NR6A1: variants seen among roughly 807,000 people sequenced by gnomAD.
The protein encoded by NR6A1 is retinoic acid receptor-related testis-associated receptor.
A neutral mutation model predicts 59.1 loss-of-function variants in NR6A1; 7 were observed. That is an observed-to-expected ratio of 0.12 (90% CI 0.07 to 0.22). NR6A1 has a LOEUF of 0.22. Ranked by LOEUF, NR6A1 falls within the 10% of genes least tolerant of loss-of-function variation. The probability of loss-of-function intolerance (pLI) is 1.00; values close to 1 mark genes in which losing one functional copy is unlikely to be tolerated. For missense variants in NR6A1, 468 were observed against 611.6 expected, an observed-to-expected ratio of 0.77 and a Z score of 2.48; for synonymous variants, 243 against 236.1, an observed-to-expected ratio of 1.03 and a Z score of -0.27.
At chr9:124,737,995 C>T (rs1372423691) in intron 1 of NR6A1, among the ~76,000 whole-genome samples, 2 of 152,150 alleles carry the variant, frequency 1.3e-5, no homozygotes, top group East Asian at 3.9e-4. Flanking sequence ...GTAGCTCACG[C>T]CTGTAATTCC....
intron 2 of NR6A1, chr9:124,693,723 T>G (rs1166613927): frequency 7.5e-6 from 4 of 534,350 alleles, no homozygotes; most frequent in South Asian, 5.6e-5. Context: ...ATGGCTGCAC[T>G]CAACATTCAT....
At position 124,741,829 on chromosome 9, in the gene NR6A1, T is replaced by A. The variant is rs543179859; in HGVS notation, c.101-8480A>T. Among the ~76,000 whole-genome samples the A allele has an allele frequency of 7.2e-5, 11 of 152,308 alleles. 1 individual carries two copies. Among genetic ancestry groups the A allele is most frequent in the African/African-American group, 2.6e-4 (11 of 41,562 alleles). ...GAAATGACTTCACCCTCTGGGCCAA[T>A]TTCCTCATCTGTCGATTATGAGTAC... On this transcript the variant is annotated intron_variant, in intron 1 of 9. Transcript: ENST00000487099.
At chr9:124,615,371 G>A (rs1835859225) in intron 2 of NR6A1, among the ~76,000 whole-genome samples, 1 of 152,080 alleles carries the variant, frequency 6.6e-6, no homozygotes, top group Non-Finnish European at 1.5e-5. Context: ...GTTCCAGCGT[G>A]GGCACCAGGT....
At chr9:124,679,456 C>T (rs967938838) in intron 2 of NR6A1, among the ~76,000 whole-genome samples, 46 of 152,164 alleles carry the variant, frequency 3.0e-4, no homozygotes, top group African/African-American at 9.9e-4. Context: ...TCAGCAGATC[C>T]GCACCTGCCC....
chr9:124,548,486 T>A (rs1037216284), intron 3 of NR6A1, among the ~76,000 whole-genome samples: 3 of 152,178 alleles, frequency 2.0e-5, no homozygotes, highest in Non-Finnish European at 2.9e-5. Context: ...ACAAATTTTT[T>A]TGGTATAATA....
At chr9:124,546,825 A>T (rs753943210) in intron 3 of NR6A1, among the ~76,000 whole-genome samples, 3 of 152,244 alleles carry the variant, frequency 2.0e-5, no homozygotes, top group Non-Finnish European at 4.4e-5. Flanking sequence ...GTTCTTGCAC[A>T]TATGTATGTT....
chr9:124,579,263 A>G (rs988045945), intron 2 of NR6A1, among the ~76,000 whole-genome samples: 6 of 151,946 alleles, frequency 3.9e-5, no homozygotes, highest in Admixed American at 3.3e-4. Context: ...CAAAAAATTT[A>G]AAACTTAGCC....
chr9:124,703,559 A>G (rs1005663345), intron 2 of NR6A1, among the ~76,000 whole-genome samples: 1 of 152,040 alleles, frequency 6.6e-6, no homozygotes, highest in South Asian at 2.1e-4. Flanking sequence ...CTGCATTTTT[A>G]TGTGTTAATA....
chr9:124,574,927 T>C (rs1347766611), intron 2 of NR6A1, among the ~76,000 whole-genome samples: 2 of 152,256 alleles, frequency 1.3e-5, no homozygotes, highest in African/African-American at 4.8e-5. Flanking sequence ...TGATCAGTCC[T>C]GAGTGTATAG....
At chr9:124,582,962 C>T (rs538773143) in intron 2 of NR6A1, among the ~76,000 whole-genome samples, 11 of 151,268 alleles carry the variant, frequency 7.3e-5, no homozygotes, top group African/African-American at 2.0e-4. Flanking sequence ...CAGAAGAGTA[C>T]GCCCTTCCCC....
chr9:124,716,188 G>C (rs1247214647), intron 2 of NR6A1, among the ~76,000 whole-genome samples: 1 of 152,188 alleles, frequency 6.6e-6, no homozygotes, highest in African/African-American at 2.4e-5. Context: ...CTGGGCAGCA[G>C]AGTGAGGCCC....
At chr9:124,568,988 C>T (rs2131424312) in intron 2 of NR6A1, among the ~76,000 whole-genome samples, 1 of 151,930 alleles carries the variant, frequency 6.6e-6, no homozygotes, top group East Asian at 1.9e-4. Flanking sequence ...TGGCGGGCGC[C>T]TGTAGTCCCA....
At chr9:124,581,898 G>A (rs570203551) in intron 2 of NR6A1, among the ~76,000 whole-genome samples, 1 of 152,132 alleles carries the variant, frequency 6.6e-6, no homozygotes, top group South Asian at 2.1e-4. Flanking sequence ...AGTCAGAATG[G>A]CAATTATTAA....
chr9:124,524,988 T>C, intron 8 of NR6A1, 115 bp from the exon 9 acceptor site: 1 of 1,197,724 alleles, frequency 8.3e-7, no homozygotes, highest in Non-Finnish European at 1.1e-6. Flanking sequence ...TACTAAACAT[T>C]GTCACAACAG....
At chr9:124,669,493 T>A (rs530914897) in intron 2 of NR6A1, among the ~76,000 whole-genome samples, 22 of 152,358 alleles carry the variant, frequency 1.4e-4, no homozygotes, top group Non-Finnish European at 2.5e-4. Context: ...AATGTGGCCC[T>A]CTTATATCAC....
chr9:124,749,680 C>A (rs1207465599), intron 1 of NR6A1, among the ~76,000 whole-genome samples: 3 of 152,178 alleles, frequency 2.0e-5, no homozygotes, highest in African/African-American at 7.2e-5. Flanking sequence ...CCTGCCTCAG[C>A]CTTCCCAGTA....
At chr9:124,612,365 T>C (rs1442853263) in intron 2 of NR6A1, among the ~76,000 whole-genome samples, 1 of 152,096 alleles carries the variant, frequency 6.6e-6, no homozygotes, top group Non-Finnish European at 1.5e-5. Flanking sequence ...CAAATCAGTG[T>C]GGAAAGCAGA....
rs1832709955 is a variant in NR6A1, at chr9:124,517,430, G to A, written c.*5275C>T. ...CTGGCAGGGTGGGAGGTAGCAGAGG[G>A]CCTGGGTAGCCTGCAGAGCCCGCCA... On this transcript the variant is annotated 3_prime_UTR_variant, in exon 10 of 10. Coordinates refer to ENST00000487099, the MANE Select transcript of NR6A1 (RefSeq NM_033334.4). 6.7e-6 allele frequency: 1 copy of A among 149,658 alleles called. No homozygotes were observed. Among genetic ancestry groups the A allele is most frequent in the African/African-American group, 2.6e-5 (1 of 39,036 alleles). 9.3% of individuals were successfully genotyped at this position (149,658 alleles called of 1,614,324 possible).
intron 2 of NR6A1, among the ~76,000 whole-genome samples, chr9:124,612,416 C>A (rs1349356441): frequency 6.6e-6 from 1 of 152,182 alleles, no homozygotes; most frequent in Non-Finnish European, 1.5e-5. Flanking sequence ...CCAATGACTT[C>A]TAGAAAATGC....
Sources: gnomAD v4.1 joint callset for allele counts (sites outside exome capture counted in the v4.1 genomes callset) on GRCh38, gnomAD v4.1.1 for gene constraint, MANE v1.5 for transcripts, NCBI Gene and HGNC (gene_info 2026-07-23, HGNC 2026-07-21) for gene names.